Variants in DNAH14 observed in about 807,000 individuals in gnomAD.
The protein encoded by DNAH14 is dynein axonemal heavy chain 14.
A neutral mutation model predicts 520.9 loss-of-function variants in DNAH14; 478 were observed. The ratio of observed to expected loss-of-function variants is 0.92; its 90% CI spans 0.85 to 0.99. The LOEUF is 0.99. Ranked by LOEUF, DNAH14 falls within the 50% of genes least tolerant of loss-of-function variation. DNAH14 has a pLI of 0.00. For missense variants in DNAH14, 4,831 were observed against 5,234.5 expected (o/e 0.92, Z 2.38); for synonymous variants, 1,581 against 1,757.2 (o/e 0.90, Z 2.51).
intron 10 of DNAH14, among the ~76,000 whole-genome samples, chr1:225,011,886 G>C (rs2064799640): frequency 1.3e-5 from 2 of 150,636 alleles, no homozygotes; most frequent in South Asian, 4.2e-4. Context: ...CACACCGATG[G>C]ATCTTGACTC....
intron 54 of DNAH14, among the ~76,000 whole-genome samples, chr1:225,283,388 A>G (rs533398264): frequency 4.9e-4 from 74 of 152,048 alleles, no homozygotes; most frequent in African/African-American, 1.8e-3. Flanking sequence ...GGGTATACTA[A>G]TATCAGGCAA....
intron 11 of DNAH14, chr1:225,024,325 A>T: frequency 1.1e-6 from 1 of 913,250 alleles, no homozygotes; most frequent in Non-Finnish European, 1.3e-6. Context: ...ATATCTGTTG[A>T]ATATTTTCCC....
chr1:225,297,625 G>A (rs573882581), intron 55 of DNAH14, among the ~76,000 whole-genome samples: 35 of 152,242 alleles, frequency 2.3e-4, no homozygotes, highest in African/African-American at 7.7e-4. Context: ...TTCTTCAGTT[G>A]TAATCCATGC....
At chr1:225,309,869 G>A (rs2094324306) in intron 60 of DNAH14, among the ~76,000 whole-genome samples, 2 of 152,082 alleles carry the variant, frequency 1.3e-5, no homozygotes, top group African/African-American at 4.8e-5. Flanking sequence ...CTCCAGCCTG[G>A]TGAGAGAGCA....
intron 42 of DNAH14, among the ~76,000 whole-genome samples, chr1:225,238,766 A>C (rs1422518493): frequency 6.6e-6 from 1 of 151,820 alleles, no homozygotes; most frequent in Non-Finnish European, 1.5e-5. Flanking sequence ...CACCTCCAGG[A>C]GCTCCATCCC....
intron 73 of DNAH14, chr1:225,357,831 T>C: frequency 2.8e-6 from 2 of 702,200 alleles, no homozygotes; most frequent in Non-Finnish European, 5.2e-6. Context: ...TTGAACATGT[T>C]CAGGACATAT....
intron 36 of DNAH14, among the ~76,000 whole-genome samples, chr1:225,170,150 AGCCACTGCAAAAACAT>A (rs2082460288): frequency 6.6e-6 from 1 of 152,234 alleles, no homozygotes; most frequent in Non-Finnish European, 1.5e-5. Context: ...AACCAGTACC[AGCCACTGCAAAAACAT>A]GCCAAATTGC....
chr1:225,205,095 C>T (rs1057300100), intron 39 of DNAH14, among the ~76,000 whole-genome samples: 1 of 152,090 alleles, frequency 6.6e-6, no homozygotes, highest in African/African-American at 2.4e-5. Context: ...TTCATACCTC[C>T]CCTATCCTGA....
intron 40 of DNAH14, among the ~76,000 whole-genome samples, chr1:225,206,532 C>T (rs948462719): frequency 2.0e-5 from 3 of 152,130 alleles, no homozygotes; most frequent in Non-Finnish European, 4.4e-5. Flanking sequence ...TTGGGAAACA[C>T]ACTATGAAGA....
At chr1:224,931,513 A>G (rs914927758) in intron 1 of DNAH14, among the ~76,000 whole-genome samples, 3 of 152,138 alleles carry the variant, frequency 2.0e-5, no homozygotes, top group Non-Finnish European at 2.9e-5. Context: ...TCAAACACTG[A>G]ATTTATTCCT....
intron 1 of DNAH14, among the ~76,000 whole-genome samples, chr1:224,933,051 C>T (rs922596515): frequency 6.6e-6 from 1 of 152,026 alleles, no homozygotes; most frequent in Non-Finnish European, 1.5e-5. Context: ...TTAATTCTTC[C>T]TATCCATGAG....
At chr1:225,060,658 G>A (rs941888254) in intron 17 of DNAH14, among the ~76,000 whole-genome samples, 2 of 137,346 alleles carry the variant, frequency 1.5e-5, no homozygotes, top group Admixed American at 7.7e-5. Context: ...TCTACCTTTG[G>A]TCTTTGATGA....
chr1:225,152,146 G>T lies in DNAH14; in HGVS notation c.5009+73G>T, dbSNP rs1044477394. The T allele has an allele frequency of 2.2e-5, 29 of 1,321,888 alleles. No homozygotes were observed. In the East Asian group the frequency reaches 7.0e-4, roughly 32 times the overall value. The allele number at this position is 1,321,888 out of a possible 1,614,324, so 81.9% of individuals were successfully genotyped here. On this transcript the variant is annotated intron_variant, in intron 32 of 85. Coordinates refer to ENST00000682510, the MANE Select transcript of DNAH14 (RefSeq NM_001367479.1). Reference sequence around the variant, plus strand: ...TTCTTAAATCTTATCTACAGATGGAGTTGCTTGACATTTGCATCTATCCAT... The same window carrying T: ...TTCTTAAATCTTATCTACAGATGGATTTGCTTGACATTTGCATCTATCCAT...
At chr1:225,048,509 A>C (rs1219536555) in intron 15 of DNAH14, among the ~76,000 whole-genome samples, 1 of 152,214 alleles carries the variant, frequency 6.6e-6, no homozygotes, top group Admixed American at 6.5e-5. Flanking sequence ...TCAAAAAATA[A>C]AAAATAAAAA....
intron 11 of DNAH14, among the ~76,000 whole-genome samples, chr1:225,035,460 C>T (rs1436939629): frequency 6.6e-6 from 1 of 151,222 alleles, no homozygotes; most frequent in African/African-American, 2.4e-5. Flanking sequence ...TCTTGCTTTT[C>T]TCATTCTTTA....
intron 19 of DNAH14, 139 bp from the exon 20 acceptor site, chr1:225,082,410 A>C (rs527484663): frequency 8.8e-5 from 54 of 611,692 alleles, no homozygotes; most frequent in Middle Eastern, 9.1e-4. Flanking sequence ...TCACTGCTTC[A>C]TGTTATTTTA....
chr1:224,985,464 G>A (rs1045644106), intron 8 of DNAH14, among the ~76,000 whole-genome samples: 1 of 152,068 alleles, frequency 6.6e-6, no homozygotes, highest in Non-Finnish European at 1.5e-5. Context: ...GGACTTGTGG[G>A]GGAAGAGCTG....
chr1:225,104,175 G>A (rs1005379530), intron 23 of DNAH14, among the ~76,000 whole-genome samples: 17 of 152,118 alleles, frequency 1.1e-4, no homozygotes, highest in African/African-American at 3.9e-4. Context: ...CTGTTTATAT[G>A]CTGGATTATG....
intron 42 of DNAH14, among the ~76,000 whole-genome samples, chr1:225,237,475 TCTA>T (rs1394708943): frequency 1.3e-5 from 2 of 152,216 alleles, no homozygotes; most frequent in Non-Finnish European, 2.9e-5. Flanking sequence ...CTCTGAGAAG[TCTA>T]CTGTTAGTCT....
Sources: allele counts gnomAD v4.1 joint callset (sites outside exome capture counted in the v4.1 genomes callset), GRCh38; gene constraint gnomAD v4.1.1; transcripts MANE v1.5; gene names NCBI Gene and HGNC (gene_info 2026-07-23, HGNC 2026-07-21).